Variants in VGLL1 observed in about 807,000 individuals in gnomAD.
The protein encoded by VGLL1 is transcription cofactor vestigial-like protein 1.
VGLL1 carries 4 observed loss-of-function variants against 12.0 expected under a neutral mutation model. The ratio of observed to expected loss-of-function variants is 0.33; its 90% CI spans 0.16 to 0.76. The LOEUF (loss-of-function observed/expected upper bound fraction) is 0.76. Ranked by LOEUF, VGLL1 falls within the 30% of genes least tolerant of loss-of-function variation. The pLI, the probability that VGLL1 is intolerant of heterozygous loss-of-function variation, is 0.60. For synonymous variants in VGLL1, 87 were observed against 81.2 expected (o/e 1.07, Z -0.39); for missense variants, 204 against 208.7 (o/e 0.98, Z 0.14).
Position 136,548,928 on chromosome X carries a change from C to T in VGLL1, c.554C>T (p.Ala185Val). 3 of 1,212,179 alleles carry T rather than the reference C, an allele frequency of 2.5e-6. No individual in the cohort carries two copies. The highest frequency in any genetic ancestry group is 3.3e-6 in the Non-Finnish European group (3 of 895,577). The change falls in exon 3 of 5, where the codon GCC (alanine) becomes GTC (valine). Residue 185 changes from alanine to valine, a missense_variant. Ala to Val is a moderately conservative substitution (Grantham distance 64, BLOSUM62 0). Transcript: ENST00000370634. ...TGCCTAGCCCGTCCTCAGGAATCTG[C>T]CGCCAGGGAGAATGGCAACCCTGGC... is the stretch of plus-strand genomic sequence containing the variant. ...DRCLARPQES[A>V]ARENGNPGQI...
chrX:136,546,083 C>T lies in VGLL1; in HGVS notation c.215-2506C>T, dbSNP rs1290721926. ...CATGTATGCCTGCATCAGGGTGTTT[C>T]TTACCTGCTCTCCACTCATTCATGT... On this transcript the variant is annotated intron_variant, in intron 2 of 4. Transcript: ENST00000370634. Among the ~76,000 whole-genome samples the T allele has an allele frequency of 2.7e-5, 3 of 111,647 alleles. No individual in the cohort carries two copies. The Admixed American group carries it at 2.8e-4, about 11-fold the overall frequency.
At chrX:136,549,373 G>A (rs940043299) in intron 3 of VGLL1, among the ~76,000 whole-genome samples, 12 of 111,469 alleles carry the variant, frequency 1.1e-4, no homozygotes, top group South Asian at 7.6e-4. Flanking sequence ...GCTCTGTGAC[G>A]TACCTACAGG....
chrX:136,547,078 A>G (rs2075871564), intron 2 of VGLL1, among the ~76,000 whole-genome samples: 2 of 112,364 alleles, frequency 1.8e-5, no homozygotes, highest in Non-Finnish European at 3.8e-5. Context: ...TCTTGTACAC[A>G]ATCCAGTCAA....
intron 1 of VGLL1, among the ~76,000 whole-genome samples, chrX:136,535,404 T>C (rs1452094965): frequency 8.9e-6 from 1 of 111,959 alleles, no homozygotes; most frequent in Admixed American, 9.4e-5. Context: ...GAGATGGTGT[T>C]GTTTGTAATT....
At chrX:136,546,453 G>C (rs1466203864) in intron 2 of VGLL1, among the ~76,000 whole-genome samples, 2 of 112,110 alleles carry the variant, frequency 1.8e-5, no homozygotes, top group Non-Finnish European at 3.8e-5. Context: ...TGAATTTGGG[G>C]TTAGGACACC....
intron 4 of VGLL1, among the ~76,000 whole-genome samples, chrX:136,551,125 T>A (rs1388446906): frequency 1.8e-5 from 2 of 111,024 alleles, no homozygotes; most frequent in Non-Finnish European, 3.8e-5. Context: ...TTGACTTAAC[T>A]GAAGTAGCCA....
intron 1 of VGLL1, among the ~76,000 whole-genome samples, chrX:136,535,597 G>C (rs1291773232): frequency 9.0e-6 from 1 of 111,225 alleles, no homozygotes; most frequent in African/African-American, 3.3e-5. Flanking sequence ...CTCTCCATGG[G>C]AGCCCATGGT....
At chrX:136,532,551 G>A (rs1325741437) in intron 1 of VGLL1, among the ~76,000 whole-genome samples, 2 of 110,402 alleles carry the variant, frequency 1.8e-5, no homozygotes, top group African/African-American at 6.6e-5. Flanking sequence ...CAAAATGCTG[G>A]TTTGGGATTC....
Position 136,535,960 on chromosome X carries a change from A to T in VGLL1, c.-25-36A>T, listed in dbSNP as rs1569359810. ...CCAAACCACAGCCAAGCCACTTGGT[A>T]AATAGTGCCAGTGACATTTTGCCTT... On this transcript the variant is annotated intron_variant, in intron 1 of 4. Coordinates refer to ENST00000370634, the MANE Select transcript of VGLL1 (RefSeq NM_016267.4). 3 of 1,117,266 alleles carry T rather than the reference A, an allele frequency of 2.7e-6. No individual in the cohort carries two copies. In the East Asian group the frequency reaches 9.0e-5, roughly 34 times the overall value. The allele number at this position is 1,117,266 out of a possible 1,213,427, so 92.1% of individuals were successfully genotyped here. A position where few individuals can be genotyped will look rare whatever the true frequency, so the allele number is the denominator to read the frequency against.
intron 3 of VGLL1, 140 bp from the exon 4 acceptor site, chrX:136,550,628 T>C (rs1260765735): frequency 2.3e-6 from 1 of 430,555 alleles, no homozygotes; most frequent in Non-Finnish European, 4.0e-6. Flanking sequence ...TCAGTTTTTG[T>C]AGCATCTGAT....
chrX:136,535,141 T>C (rs1332532454), intron 1 of VGLL1, among the ~76,000 whole-genome samples: 1 of 111,394 alleles, frequency 9.0e-6, no homozygotes, highest in Non-Finnish European at 1.9e-5. Context: ...AGCCAGCCTC[T>C]GCCCACAAGG....
At chrX:136,535,677 A>T (rs922955447) in intron 1 of VGLL1, among the ~76,000 whole-genome samples, 1 of 111,271 alleles carries the variant, frequency 9.0e-6, no homozygotes, top group Non-Finnish European at 1.9e-5. Context: ...TTACTCTGCT[A>T]TTTGGCCTCA....
chrX:136,537,621 G>A (rs1000053115), intron 2 of VGLL1, among the ~76,000 whole-genome samples: 3 of 111,203 alleles, frequency 2.7e-5, no homozygotes, highest in South Asian at 3.8e-4. Flanking sequence ...ATGTGGTGGC[G>A]CGATCATAAC....
rs756389627 is a variant in VGLL1 at position 136,548,949 on chromosome X, C to T, written c.575C>T (p.Pro192Leu). ...QESAARENGNPGQIAGSTGLL... is the reference protein window; with the variant it reads ...QESAARENGNLGQIAGSTGLL... ...TCTGCCGCCAGGGAGAATGGCAACC[C>T]TGGCCAGATAGCTGGAAGCACAGGG... Residue 192 changes from proline to leucine, a missense_variant, in exon 3 of 5, where the codon CCT (proline) becomes CTT (leucine). Pro to Leu is a moderately conservative substitution (Grantham distance 98). Transcript: ENST00000370634. 2 of 1,210,606 alleles carry T rather than the reference C, an allele frequency of 1.7e-6. No homozygotes were observed. The highest frequency in any genetic ancestry group is 2.2e-5 in the Admixed American group (1 of 45,882).
intron 3 of VGLL1, among the ~76,000 whole-genome samples, chrX:136,549,471 G>T: frequency 9.0e-6 from 1 of 110,890 alleles, no homozygotes; most frequent in Admixed American, 9.6e-5. Flanking sequence ...CCAACCATCT[G>T]CTCCACACAT....
chrX:136,546,144 G>A (rs2075869072), intron 2 of VGLL1, among the ~76,000 whole-genome samples: 1 of 111,903 alleles, frequency 8.9e-6, no homozygotes, highest in Non-Finnish European at 1.9e-5. Context: ...ATTCTGCCCT[G>A]GGGCTCCCTC....
At chrX:136,551,431 A>T (rs1023600885) in intron 4 of VGLL1, among the ~76,000 whole-genome samples, 4 of 111,657 alleles carry the variant, frequency 3.6e-5, no homozygotes, top group African/African-American at 1.3e-4. Flanking sequence ...CTCCACACTC[A>T]ATTTGAAAGT....
rs1201811870 is a variant in VGLL1, at chrX:136,548,919, A to G, written c.545A>G (p.Gln182Arg). Reference protein sequence around the residue: ...LQQDRCLARPQESAARENGNP... With the variant: ...LQQDRCLARPRESAARENGNP... ...CAAGACAGATGCCTAGCCCGTCCTC[A>G]GGAATCTGCCGCCAGGGAGAATGGC... The change falls in exon 3 of 5, where the codon CAG becomes CGG. Residue 182 changes from glutamine to arginine, a missense_variant. Physicochemically the swap from Gln to Arg is conservative, Grantham distance 43. Coordinates refer to ENST00000370634, the MANE Select transcript of VGLL1 (RefSeq NM_016267.4). The G allele has an allele frequency of 8.2e-6, 10 of 1,212,254 alleles. No individual in the cohort carries two copies. The highest frequency in any genetic ancestry group is 1.1e-5 in the Non-Finnish European group (10 of 895,616).
intron 1 of VGLL1, among the ~76,000 whole-genome samples, chrX:136,534,752 T>A (rs777954189): frequency 8.9e-6 from 1 of 112,037 alleles, no homozygotes; most frequent in Non-Finnish European, 1.9e-5. Context: ...TTTGTTCACA[T>A]GTTTTTGGAA....
Sources: allele counts gnomAD v4.1 joint callset (sites outside exome capture counted in the v4.1 genomes callset), GRCh38; gene constraint gnomAD v4.1.1; transcripts MANE v1.5; gene names NCBI Gene and HGNC (gene_info 2026-07-23, HGNC 2026-07-21).